The following LDLRAD3 variants were observed in gnomAD, a reference collection of about 807,000 sequenced individuals.
The protein encoded by LDLRAD3 is low density lipoprotein receptor class A domain containing 3.
In LDLRAD3, 20 loss-of-function variants were observed where a neutral mutation model predicts 29.4. The ratio of observed to expected loss-of-function variants is 0.68; its 90% CI spans 0.48 to 0.99. The LOEUF (loss-of-function observed/expected upper bound fraction) is 0.99. LDLRAD3 is among the 50% of genes least tolerant of loss of function. The probability of loss-of-function intolerance (pLI) is 0.00; values close to 1 mark genes in which losing one functional copy is unlikely to be tolerated. For missense variants in LDLRAD3, 420 were observed against 454.3 expected (o/e 0.92, Z 0.69); for synonymous variants, 157 against 192.7 (o/e 0.81, Z 1.53).
chr11:36,166,953 C>A (rs999581723), intron 4 of LDLRAD3, among the ~76,000 whole-genome samples: 3 of 152,146 alleles, frequency 2.0e-5, no homozygotes, highest in African/African-American at 7.2e-5. Context: ...TCATAACCAC[C>A]CAGCACCTGT....
intron 2 of LDLRAD3, among the ~76,000 whole-genome samples, chr11:36,070,401 G>T (rs1013053871): frequency 8.5e-5 from 13 of 152,126 alleles, no homozygotes; most frequent in Non-Finnish European, 1.8e-4. Context: ...CACAAATGGG[G>T]AAGAAGAGAG....
intron 1 of LDLRAD3, among the ~76,000 whole-genome samples, chr11:35,971,503 A>G (rs776688946): frequency 6.6e-6 from 1 of 152,210 alleles, no homozygotes; most frequent in Non-Finnish European, 1.5e-5. Flanking sequence ...TACACAGAGA[A>G]ACACCAGGCA....
At position 36,227,473 on chromosome 11, in the gene LDLRAD3, A is replaced by G. The variant is rs373306016; in HGVS notation, c.800+43A>G. 1.9e-5 allele frequency: 27 copies of G among 1,421,278 alleles called. No individual in the cohort carries two copies. The African/African-American group carries it at 3.7e-4, about 20-fold the overall frequency. 88.0% of individuals were successfully genotyped at this position (1,421,278 alleles called of 1,614,324 possible). ...GAGATTGAGGCGGGAGAGGTCATCC[A>G]TTGCGGGGAGGGGAATAGGTGCACA... On this transcript the variant is annotated intron_variant, in intron 5 of 5. Transcript: ENST00000315571.
chr11:36,096,360 A>G (rs1383772678), intron 3 of LDLRAD3, among the ~76,000 whole-genome samples: 3 of 152,088 alleles, frequency 2.0e-5, no homozygotes, highest in Non-Finnish European at 4.4e-5. Context: ...GAGACGCTAG[A>G]GCTGGTGTGG....
intron 1 of LDLRAD3, among the ~76,000 whole-genome samples, chr11:35,983,813 C>CG (rs1440237202): frequency 2.0e-5 from 3 of 151,966 alleles, no homozygotes; most frequent in African/African-American, 7.2e-5. Flanking sequence ...TTAGTAGACA[C>CG]GGGGTTTCAC....
intron 1 of LDLRAD3, among the ~76,000 whole-genome samples, chr11:36,027,681 G>A (rs895985571): frequency 3.3e-5 from 5 of 152,250 alleles, no homozygotes; most frequent in African/African-American, 9.6e-5. Context: ...TGGAGCAGAA[G>A]AGAGACTATC....
In LDLRAD3 at chr11:36,005,546, C is replaced by T. The variant is rs142245103; in HGVS notation, c.47-30557C>T. Among the ~76,000 whole-genome samples the T allele has an allele frequency of 2.0e-5, 3 of 152,334 alleles. No individual in the cohort carries two copies. The East Asian group carries it at 5.8e-4, about 29-fold the overall frequency. On this transcript the variant is annotated intron_variant, in intron 1 of 5. Coordinates refer to ENST00000315571, the MANE Select transcript of LDLRAD3 (RefSeq NM_174902.4). ...AAGTCTCTAGGAAGTTCCAAACTTT[C>T]CCACATCTTCCTGCCTTCTTCTGAG...
intron 4 of LDLRAD3, among the ~76,000 whole-genome samples, chr11:36,199,409 A>G (rs1458062286): frequency 6.6e-6 from 1 of 152,112 alleles, no homozygotes; most frequent in East Asian, 1.9e-4. Context: ...AAAGAAATCA[A>G]TTTCTTTGTG....
At chr11:36,125,340 C>T (rs767019780) in intron 4 of LDLRAD3, among the ~76,000 whole-genome samples, 1 of 152,092 alleles carries the variant, frequency 6.6e-6, no homozygotes, top group Admixed American at 6.5e-5. Context: ...GACTTTTAGG[C>T]GGATGACTTT....
At chr11:35,973,882 A>G (rs1192653917) in intron 1 of LDLRAD3, among the ~76,000 whole-genome samples, 1 of 152,176 alleles carries the variant, frequency 6.6e-6, no homozygotes, top group Non-Finnish European at 1.5e-5. Context: ...TTTTCAATCA[A>G]GTGTGTTATC....
intron 4 of LDLRAD3, among the ~76,000 whole-genome samples, chr11:36,101,441 G>A (rs900133629): frequency 2.6e-5 from 4 of 152,188 alleles, no homozygotes; most frequent in South Asian, 2.1e-4. Flanking sequence ...ATATTGCACC[G>A]TATAGGTTTT....
At chr11:36,105,937 T>C (rs1032268555) in intron 4 of LDLRAD3, among the ~76,000 whole-genome samples, 20 of 152,016 alleles carry the variant, frequency 1.3e-4, no homozygotes, top group South Asian at 8.4e-4. Flanking sequence ...AGCAGAAATA[T>C]AGCCAAGAGG....
chr11:36,229,620 T>TATACGG lies in LDLRAD3; in HGVS notation c.*223_*224insATACGG. The TATACGG allele has an allele frequency of 2.1e-6, 1 of 485,826 alleles. No individual in the cohort carries two copies. Among genetic ancestry groups the TATACGG allele is most frequent in the Non-Finnish European group, 3.6e-6 (1 of 274,348 alleles). The allele number at this position is 485,826 out of a possible 1,614,324, so 30.1% of individuals were successfully genotyped here. On this transcript the variant is annotated 3_prime_UTR_variant, in exon 6 of 6. Transcript: ENST00000315571. ...TTGTGCGTCTTTTCTGTCAGGTCAC[T>TATACGG]CTTCCCTTGGGACCCGAGATCACAC...
chr11:36,069,318 G>A (rs1309721339), intron 2 of LDLRAD3, among the ~76,000 whole-genome samples: 4 of 152,138 alleles, frequency 2.6e-5, no homozygotes, highest in Non-Finnish European at 5.9e-5. Flanking sequence ...ATTTTTACAA[G>A]GCCTTCTTTG....
intron 4 of LDLRAD3, among the ~76,000 whole-genome samples, chr11:36,199,498 C>T (rs11821022): frequency 0.013 from 2,005 of 152,224 alleles, 47 homozygotes; most frequent in African/African-American, 0.046. Context: ...CTCTGTGGTA[C>T]GATCGAAGAC....
intron 1 of LDLRAD3, among the ~76,000 whole-genome samples, chr11:35,994,091 G>A (rs1851721625): frequency 6.6e-6 from 1 of 152,028 alleles, no homozygotes; most frequent in African/African-American, 2.4e-5. Context: ...AGCAGAGATG[G>A]GAGGAAGAAC....
At chr11:36,134,554 G>A (rs1015826915) in intron 4 of LDLRAD3, among the ~76,000 whole-genome samples, 1 of 152,192 alleles carries the variant, frequency 6.6e-6, no homozygotes, top group Non-Finnish European at 1.5e-5. Flanking sequence ...TGTGGGAAAT[G>A]AGATATGGCA....
At chr11:36,109,749 T>C (rs1853581229) in intron 4 of LDLRAD3, among the ~76,000 whole-genome samples, 1 of 88,022 alleles carries the variant, frequency 1.1e-5, no homozygotes, top group South Asian at 4.2e-4. Context: ...GAAAAAGCTT[T>C]ATATTTAAAA....
intron 1 of LDLRAD3, chr11:35,967,092 C>G (rs962029503): frequency 4.5e-5 from 9 of 199,508 alleles, no homozygotes; most frequent in Admixed American, 3.9e-4. Context: ...GTTTTCTGAT[C>G]CCGTGTGGTC....
Sources: gnomAD v4.1 joint callset for allele counts (sites outside exome capture counted in the v4.1 genomes callset) on GRCh38, gnomAD v4.1.1 for gene constraint, MANE v1.5 for transcripts, NCBI Gene and HGNC (gene_info 2026-07-23, HGNC 2026-07-21) for gene names.